Variants in CDH13 observed in about 807,000 individuals in gnomAD.
CDH13 encodes the protein cadherin 13.
Under a neutral mutation model 63.8 loss-of-function variants are expected in CDH13, and 24 were observed. The observed-to-expected ratio is 0.38, with a 90% confidence interval of 0.27 to 0.53. CDH13 has a LOEUF of 0.53. Among genes scored for constraint, CDH13 ranks in the 20% least tolerant of loss-of-function variants. CDH13 has a pLI of 0.85. For missense variants in CDH13, 1,049 were observed against 903.1 expected, an observed-to-expected ratio of 1.16 and a Z score of -2.07; for synonymous variants, 503 against 355.3, an observed-to-expected ratio of 1.42 and a Z score of -4.67.
At chr16:83,644,288 A>G (rs1911584865) in intron 8 of CDH13, among the ~76,000 whole-genome samples, 1 of 152,174 alleles carries the variant, frequency 6.6e-6, no homozygotes, top group Non-Finnish European at 1.5e-5. Context: ...ATGCCAAACA[A>G]TATGCTACTT....
chr16:82,885,652 C>T (rs1048515999), intron 2 of CDH13, among the ~76,000 whole-genome samples: 6 of 152,114 alleles, frequency 3.9e-5, no homozygotes. Context: ...TCCATCCATT[C>T]ATCCTGGGAA....
At chr16:83,286,226 A>G (rs1043418455) in intron 5 of CDH13, among the ~76,000 whole-genome samples, 9 of 152,202 alleles carry the variant, frequency 5.9e-5, no homozygotes, top group African/African-American at 1.9e-4. Context: ...CTCTTCCCAC[A>G]TCAGCCCCAG....
intron 8 of CDH13, among the ~76,000 whole-genome samples, chr16:83,634,669 G>A (rs144086768): frequency 6.6e-6 from 1 of 152,084 alleles, no homozygotes; most frequent in African/African-American, 2.4e-5. Context: ...CCAAAGTGCT[G>A]GGATTACAGG....
At chr16:83,418,855 G>T (rs1362311512) in intron 6 of CDH13, among the ~76,000 whole-genome samples, 1 of 152,162 alleles carries the variant, frequency 6.6e-6, no homozygotes, top group Non-Finnish European at 1.5e-5. Flanking sequence ...TCTCTGTGAA[G>T]GTTGTTTTCC....
chr16:83,552,417 A>C (rs1446638098), intron 7 of CDH13, among the ~76,000 whole-genome samples: 2 of 152,162 alleles, frequency 1.3e-5, no homozygotes, highest in Non-Finnish European at 2.9e-5. Context: ...AGGATGCACC[A>C]ATTGCTCGTG....
intron 1 of CDH13, among the ~76,000 whole-genome samples, chr16:82,754,114 A>G (rs962443204): frequency 3.3e-5 from 5 of 152,152 alleles, no homozygotes; most frequent in Non-Finnish European, 5.9e-5. Flanking sequence ...TGTGTAGTTC[A>G]TGGCGCAGGG....
intron 4 of CDH13, among the ~76,000 whole-genome samples, chr16:83,128,439 C>G (rs2035905534): frequency 6.6e-6 from 1 of 152,202 alleles, no homozygotes; most frequent in African/African-American, 2.4e-5. Flanking sequence ...GATGCACACT[C>G]AAATTTACAG....
chr16:82,941,522 C>G (rs963886440), intron 2 of CDH13, among the ~76,000 whole-genome samples: 1 of 152,090 alleles, frequency 6.6e-6, no homozygotes, highest in African/African-American at 2.4e-5. Flanking sequence ...CCTTCCCTTT[C>G]CTTTGTGCGC....
intron 10 of CDH13, among the ~76,000 whole-genome samples, chr16:83,747,290 A>G (rs1291532395): frequency 6.6e-6 from 1 of 152,168 alleles, no homozygotes; most frequent in African/African-American, 2.4e-5. Flanking sequence ...AGGTAATCGA[A>G]TCATAGGGGC....
chr16:83,470,705 C>A lies in CDH13; in HGVS notation c.782-15772C>A. Among the ~76,000 whole-genome samples the A allele has an allele frequency of 1.3e-5, 2 of 152,180 alleles. 1 individual carries two copies. Among genetic ancestry groups the A allele is most frequent in the Admixed American group, 1.3e-4 (2 of 15,282 alleles). The stretch of plus-strand genomic sequence containing the variant: ...ACAACCACAGGCTCAGCAGATAACA[C>A]GCCTAGCCCAGAGCTGCACGTCCTC... On this transcript the variant is annotated intron_variant, in intron 6 of 13. Coordinates refer to ENST00000567109, the MANE Select transcript of CDH13 (RefSeq NM_001257.5).
chr16:83,515,435 A>T (rs972907196), intron 7 of CDH13, among the ~76,000 whole-genome samples: 2 of 152,202 alleles, frequency 1.3e-5, no homozygotes, highest in Admixed American at 1.3e-4. Context: ...CATTTCACAT[A>T]TCTGCATGTG....
chr16:83,455,940 G>A (rs190612016), intron 6 of CDH13, among the ~76,000 whole-genome samples: 1 of 152,210 alleles, frequency 6.6e-6, no homozygotes. Flanking sequence ...TCAACAGTGT[G>A]GAATAAGAGG....
chr16:83,430,492 T>C (rs34424618), intron 6 of CDH13, among the ~76,000 whole-genome samples: 23,832 of 152,166 alleles, frequency 0.16, 2,434 homozygotes, highest in Non-Finnish European at 0.23. Flanking sequence ...TTACAAATAA[T>C]AGACTCCCTG....
chr16:82,662,250 A>G (rs1284353667), intron 1 of CDH13, among the ~76,000 whole-genome samples: 2 of 138,886 alleles, frequency 1.4e-5, no homozygotes, highest in East Asian at 3.8e-4. Context: ...ACACACAGGC[A>G]CATACTTTTT....
intron 7 of CDH13, among the ~76,000 whole-genome samples, chr16:83,488,574 T>C (rs2151566538): frequency 6.6e-6 from 1 of 152,260 alleles, no homozygotes; most frequent in South Asian, 2.1e-4. Context: ...ATTATATTCA[T>C]TTCATCTCCC....
chr16:83,151,883 A>T (rs1231647471), intron 4 of CDH13, among the ~76,000 whole-genome samples: 1 of 152,256 alleles, frequency 6.6e-6, no homozygotes, highest in African/African-American at 2.4e-5. Context: ...AATCACTTGA[A>T]CCTGGAAGGT....
intron 5 of CDH13, among the ~76,000 whole-genome samples, chr16:83,297,188 TTATTA>T (rs2089622667): frequency 6.6e-6 from 1 of 152,172 alleles, no homozygotes; most frequent in Admixed American, 6.5e-5. Context: ...ATAGTTTTCA[TTATTA>T]TATTGTGTAT....
chr16:82,852,313 A>C (rs549611182), intron 1 of CDH13, among the ~76,000 whole-genome samples: 2 of 152,268 alleles, frequency 1.3e-5, no homozygotes, highest in East Asian at 1.9e-4. Flanking sequence ...AACAACACCA[A>C]ATCTCAGTGA....
intron 4 of CDH13, among the ~76,000 whole-genome samples, chr16:83,172,564 C>CA (rs998720476): frequency 2.0e-5 from 3 of 150,276 alleles, no homozygotes; most frequent in Non-Finnish European, 4.4e-5. Flanking sequence ...CCAAAAATGC[C>CA]AAAAAATGCA....
Sources: allele counts gnomAD v4.1 joint callset (sites outside exome capture counted in the v4.1 genomes callset), GRCh38; gene constraint gnomAD v4.1.1; transcripts MANE v1.5; gene names NCBI Gene and HGNC (gene_info 2026-07-23, HGNC 2026-07-21).